Variants in ERBB4 observed in about 807,000 individuals in gnomAD.
The protein encoded by ERBB4 is receptor tyrosine-protein kinase erbB-4.
A neutral mutation model predicts 158.0 loss-of-function variants in ERBB4; 42 were observed. The observed-to-expected ratio is 0.27, with a 90% CI of 0.21 to 0.34. The LOEUF (loss-of-function observed/expected upper bound fraction) is 0.34, where lower values mean the gene tolerates loss of function less well. ERBB4 is among the 10% of genes least tolerant of loss of function. ERBB4 has a pLI of 1.00. For synonymous variants in ERBB4, 583 were observed against 558.7 expected, an observed-to-expected ratio of 1.04 and a Z score of -0.61; for missense variants, 1,333 against 1,624.1, an observed-to-expected ratio of 0.82 and a Z score of 3.08.
chr2:211,801,905 T>C (rs2076505606), intron 3 of ERBB4, among the ~76,000 whole-genome samples: 1 of 152,166 alleles, frequency 6.6e-6, no homozygotes, highest in Admixed American at 6.5e-5. Context: ...TAATCTCTAG[T>C]TCATGCTACC....
At chr2:212,219,129 A>G (rs1400092141) in intron 1 of ERBB4, among the ~76,000 whole-genome samples, 4 of 151,448 alleles carry the variant, frequency 2.6e-5, no homozygotes, top group African/African-American at 9.7e-5. Context: ...GTCAGAGTTT[A>G]CAGATTACAA....
At chr2:211,857,659 C>T (rs2077904930) in intron 3 of ERBB4, among the ~76,000 whole-genome samples, 1 of 152,130 alleles carries the variant, frequency 6.6e-6, no homozygotes, top group African/African-American at 2.4e-5. Flanking sequence ...ATGTTAAAAG[C>T]ATCCTTTCAA....
chr2:211,426,546 T>C (rs755919304), intron 22 of ERBB4, among the ~76,000 whole-genome samples: 17 of 152,170 alleles, frequency 1.1e-4, no homozygotes, highest in Non-Finnish European at 2.4e-4. Flanking sequence ...GAACAGTTCC[T>C]GGGATTTTGC....
At chr2:212,149,616 T>A (rs1348049245) in intron 1 of ERBB4, among the ~76,000 whole-genome samples, 1 of 152,190 alleles carries the variant, frequency 6.6e-6, no homozygotes, top group Non-Finnish European at 1.5e-5. Context: ...TGAAAAATGC[T>A]CTTATTTAGA....
At chr2:211,446,766 A>G (rs2064122047) in intron 20 of ERBB4, among the ~76,000 whole-genome samples, 1 of 151,484 alleles carries the variant, frequency 6.6e-6, no homozygotes. Context: ...ATGTGAATGA[A>G]TTAGGTTTTT....
chr2:211,825,388 G>A (rs1479858543), intron 3 of ERBB4, among the ~76,000 whole-genome samples: 1 of 151,758 alleles, frequency 6.6e-6, no homozygotes, highest in African/African-American at 2.4e-5. Flanking sequence ...AAGAGCAAAA[G>A]ATGGCATTGT....
intron 1 of ERBB4, among the ~76,000 whole-genome samples, chr2:212,518,253 A>C (rs1417961530): frequency 1.3e-5 from 2 of 152,098 alleles, no homozygotes; most frequent in Non-Finnish European, 2.9e-5. Context: ...TAGTTTGTAC[A>C]TAGAAAAATA....
chr2:212,307,122 C>T (rs2086838416), intron 1 of ERBB4, among the ~76,000 whole-genome samples: 1 of 151,274 alleles, frequency 6.6e-6, no homozygotes, highest in East Asian at 2.0e-4. Context: ...AGCTCAGTTA[C>T]TCATTATCTG....
chr2:211,951,507 T>A (rs2080875000), intron 2 of ERBB4, among the ~76,000 whole-genome samples: 2 of 152,116 alleles, frequency 1.3e-5, no homozygotes, highest in Non-Finnish European at 2.9e-5. Flanking sequence ...AAAAGTAAAA[T>A]ATAACTAAGA....
rs1180949670 is a variant in ERBB4 at position 211,380,961 on chromosome 2, A to T, written c.*2654T>A. 1 of 232,282 alleles carries T rather than the reference A, an allele frequency of 4.3e-6. No homozygotes were observed. Among genetic ancestry groups the T allele is most frequent in the Non-Finnish European group, 8.5e-6 (1 of 117,540 alleles). 14.4% of individuals were successfully genotyped at this position (232,282 alleles called of 1,614,324 possible). ...ATTGTAAATCAGAAAAAAAAAATCA[A>T]GGTATAGTATCCAAAAAGAGGGCTG... On this transcript the variant is annotated 3_prime_UTR_variant, in exon 28 of 28. Coordinates refer to ENST00000342788, the MANE Select transcript of ERBB4 (RefSeq NM_005235.3).
intron 1 of ERBB4, among the ~76,000 whole-genome samples, chr2:212,331,604 T>A (rs1033626312): frequency 7.1e-6 from 1 of 141,026 alleles, no homozygotes; most frequent in African/African-American, 3.2e-5. Flanking sequence ...CTAGAGATAA[T>A]ATTACCAAAC....
At chr2:211,785,245 G>C (rs1456487144) in intron 4 of ERBB4, among the ~76,000 whole-genome samples, 2 of 152,044 alleles carry the variant, frequency 1.3e-5, no homozygotes, top group Non-Finnish European at 2.9e-5. Flanking sequence ...GGGACTACAG[G>C]TGCCTGCCAC....
intron 1 of ERBB4, among the ~76,000 whole-genome samples, chr2:212,354,999 A>G (rs1257576668): frequency 1.3e-5 from 2 of 152,098 alleles, no homozygotes; most frequent in Admixed American, 6.6e-5. Flanking sequence ...AAGAGGGCAC[A>G]TGTGACCTTG....
intron 3 of ERBB4, among the ~76,000 whole-genome samples, chr2:211,828,818 C>A (rs2077158860): frequency 6.6e-6 from 1 of 152,106 alleles, no homozygotes; most frequent in African/African-American, 2.4e-5. Flanking sequence ...CCAGGTCTCA[C>A]TCCACCTTTT....
intron 20 of ERBB4, among the ~76,000 whole-genome samples, chr2:211,541,485 T>C (rs1039916248): frequency 1.3e-5 from 2 of 151,954 alleles, no homozygotes; most frequent in Non-Finnish European, 2.9e-5. Context: ...AGTGTGCCCA[T>C]GAATATTCCT....
intron 1 of ERBB4, among the ~76,000 whole-genome samples, chr2:212,130,617 A>G (rs115142217): frequency 0.011 from 1,611 of 152,272 alleles, 21 homozygotes; most frequent in African/African-American, 0.037. Context: ...ATTTGCTTAC[A>G]AAGAAAAGAT....
chr2:212,339,135 T>C (rs554360181), intron 1 of ERBB4, among the ~76,000 whole-genome samples: 1 of 152,212 alleles, frequency 6.6e-6, no homozygotes, highest in Non-Finnish European at 1.5e-5. Context: ...CCAGCATGCA[T>C]TAGCTATCTT....
chr2:211,553,511 CG>C, intron 20 of ERBB4, among the ~76,000 whole-genome samples: 1 of 152,184 alleles, frequency 6.6e-6, no homozygotes, highest in East Asian at 1.9e-4. Context: ...GTATTTTTTA[CG>C]TGTCATAATT....
At position 211,735,217 on chromosome 2, in the gene ERBB4, G is replaced by T. The variant is rs12477085; in HGVS notation, c.623-10023C>A. Among the ~76,000 whole-genome samples the T allele has an allele frequency of 6.4e-3, 637 of 100,278 alleles. 22 individuals carry two copies. Among genetic ancestry groups the T allele is most frequent in the Admixed American group, 0.053 (600 of 11,278 alleles). 65.8% of individuals were successfully genotyped at this position (100,278 alleles called of 152,430 possible). A position where few individuals can be genotyped will look rare whatever the true frequency, so the allele number is the denominator to read the frequency against. On this transcript the variant is annotated intron_variant, in intron 5 of 27. Coordinates refer to ENST00000342788, the MANE Select transcript of ERBB4 (RefSeq NM_005235.3). ...TAACTTTATGACCTGAGTATCACAT[G>T]AATTTAAAAAAAAAACTATACTAAA...
Sources: gnomAD v4.1 joint callset for allele counts (sites outside exome capture counted in the v4.1 genomes callset) on GRCh38, gnomAD v4.1.1 for gene constraint, MANE v1.5 for transcripts, NCBI Gene and HGNC (gene_info 2026-07-23, HGNC 2026-07-21) for gene names.